CMKLR1: variants seen among roughly 807,000 people sequenced by gnomAD.
CMKLR1 encodes the protein chemerin chemokine-like receptor 1, also known as chemerin-like receptor 1.
Under a neutral mutation model 8.2 loss-of-function variants are expected in CMKLR1, and 6 were observed. That is an observed-to-expected ratio of 0.73 (90% CI 0.40 to 1.44). The LOEUF (loss-of-function observed/expected upper bound fraction) is 1.44. Ranked by LOEUF, CMKLR1 falls within the 40% of genes most tolerant of loss-of-function variation. The pLI is 0.02. For missense variants in CMKLR1, 429 were observed against 478.0 expected (o/e 0.90, Z 0.96); for synonymous variants, 178 against 181.2 (o/e 0.98, Z 0.14).
intron 2 of CMKLR1, among the ~76,000 whole-genome samples, chr12:108,314,934 G>GTTTTTTTTTT: frequency 9.1e-6 from 1 of 109,578 alleles, no homozygotes; most frequent in East Asian, 2.7e-4. Flanking sequence ...ACACAGCCTT[G>GTTTTTTTTTT]TTTTTTTTTT....
At chr12:108,295,188 G>C (rs1022836150) in intron 2 of CMKLR1, among the ~76,000 whole-genome samples, 2 of 152,230 alleles carry the variant, frequency 1.3e-5, no homozygotes, top group Admixed American at 1.3e-4. Context: ...GTATGCCAGG[G>C]ACCATGTTAA....
Position 108,303,261 on chromosome 12 carries a change from G to A in CMKLR1, c.-73-9597C>T, listed in dbSNP as rs547131976. Among the ~76,000 whole-genome samples the A allele has an allele frequency of 1.4e-4, 21 of 152,320 alleles. 1 individual carries two copies. The highest frequency in any genetic ancestry group is 4.6e-4 in the African/African-American group (19 of 41,570). ...CTCGTCGAGCCCAGCCCCTGCTGGGGGTGGGATGGTCACCAGGCAGACAGT... is the reference window on the plus strand; with the variant it reads ...CTCGTCGAGCCCAGCCCCTGCTGGGAGTGGGATGGTCACCAGGCAGACAGT... On this transcript the variant is annotated intron_variant, in intron 2 of 3. Transcript: ENST00000550402.
rs981440031 is a variant in CMKLR1 at position 108,291,832 on chromosome 12, C to T, written c.*9G>A. The stretch of plus-strand genomic sequence containing the variant: ...TGAGAGAGTCCATTGAGGGGTTCCA[C>T]AGTGAGGATCAAAGCATGCCGGTCT... On this transcript the variant is annotated 3_prime_UTR_variant, in exon 4 of 4. Transcript: ENST00000550402. 1.2e-6 allele frequency: 2 copies of T among 1,605,142 alleles called. No homozygotes were observed. Among genetic ancestry groups the T allele is most frequent in the African/African-American group, 2.7e-5 (2 of 74,782 alleles).
chr12:108,320,965 C>T (rs758554783), intron 2 of CMKLR1, among the ~76,000 whole-genome samples: 10 of 152,244 alleles, frequency 6.6e-5, no homozygotes, highest in African/African-American at 2.4e-4. Context: ...TCTTCACTAG[C>T]AGGGTCCCCC....
At chr12:108,337,978 G>A (rs966737671) in intron 1 of CMKLR1, among the ~76,000 whole-genome samples, 1 of 152,180 alleles carries the variant, frequency 6.6e-6, no homozygotes, top group African/African-American at 2.4e-5. Flanking sequence ...GGATGCAAAA[G>A]GGAAGTTGAG....
At chr12:108,330,584 C>T (rs796270593) in intron 1 of CMKLR1, among the ~76,000 whole-genome samples, 12 of 152,298 alleles carry the variant, frequency 7.9e-5, no homozygotes, top group African/African-American at 1.2e-4. Context: ...AATGCCAATT[C>T]GTGATTCTTC....
chr12:108,303,204 G>T (rs61115171), intron 2 of CMKLR1, among the ~76,000 whole-genome samples: 35,153 of 152,070 alleles, frequency 0.23, 4,418 homozygotes, highest in East Asian at 0.36. Context: ...GCCAGGAGAG[G>T]CTGTGCAAAG....
intron 2 of CMKLR1, among the ~76,000 whole-genome samples, chr12:108,303,949 C>G (rs1370704371): frequency 6.6e-6 from 1 of 152,206 alleles, no homozygotes; most frequent in Non-Finnish European, 1.5e-5. Context: ...ATGCAGCACA[C>G]CGTGGGTGAG....
chr12:108,304,030 C>T (rs1287143225), intron 2 of CMKLR1, among the ~76,000 whole-genome samples: 1 of 152,196 alleles, frequency 6.6e-6, no homozygotes, highest in African/African-American at 2.4e-5. Flanking sequence ...ACTTTACCAA[C>T]GGGGATGTCT....
At chr12:108,330,994 T>C (rs1303788504) in intron 1 of CMKLR1, among the ~76,000 whole-genome samples, 1 of 152,076 alleles carries the variant, frequency 6.6e-6, no homozygotes, top group Non-Finnish European at 1.5e-5. Flanking sequence ...ACCTCCTCTC[T>C]TACAGGGGGG....
intron 2 of CMKLR1, chr12:108,320,789 C>T (rs1891844308): frequency 6.6e-6 from 1 of 152,328 alleles, no homozygotes; most frequent in Non-Finnish European, 1.5e-5. Context: ...ATTCGTTCTA[C>T]AAGAGGAATA....
At chr12:108,315,987 T>C (rs761534447) in intron 2 of CMKLR1, among the ~76,000 whole-genome samples, 3 of 152,148 alleles carry the variant, frequency 2.0e-5, no homozygotes, top group Non-Finnish European at 2.9e-5. Flanking sequence ...GGACCAGCAC[T>C]TGGACCCTGC....
At chr12:108,309,880 T>C (rs1891504929) in intron 2 of CMKLR1, among the ~76,000 whole-genome samples, 1 of 152,256 alleles carries the variant, frequency 6.6e-6, no homozygotes, top group Non-Finnish European at 1.5e-5. Flanking sequence ...CAAGTCATTC[T>C]CATTTTCAGC....
chr12:108,336,667 T>C (rs1227409904), intron 1 of CMKLR1, among the ~76,000 whole-genome samples: 1 of 152,194 alleles, frequency 6.6e-6, no homozygotes, highest in African/African-American at 2.4e-5. Flanking sequence ...TCTGCACCCA[T>C]GTGGTGTAGC....
chr12:108,292,994 T>G (rs759151030), intron 3 of CMKLR1, 35 bp from the exon 4 acceptor site: 5 of 1,561,126 alleles, frequency 3.2e-6, no homozygotes, highest in Non-Finnish European at 4.3e-6. Context: ...AGAGGAACCC[T>G]AGAGTTGGCT....
intron 2 of CMKLR1, among the ~76,000 whole-genome samples, chr12:108,317,066 G>T (rs1037259797): frequency 6.6e-6 from 1 of 152,184 alleles, no homozygotes; most frequent in Non-Finnish European, 1.5e-5. Context: ...GCCTTCCAAA[G>T]GGCTGGGAAT....
At position 108,292,386 on chromosome 12, in the gene CMKLR1, A is replaced by C. The variant is rs199755416; in HGVS notation, c.577T>G (p.Phe193Val). The C allele has an allele frequency of 9.2e-5, 148 of 1,614,012 alleles. No homozygotes were observed. The highest frequency in any genetic ancestry group is 1.2e-4 in the Non-Finnish European group (143 of 1,180,028). ...LHGKISCFNNFSLSTPGSSSW... is the reference protein window; with the variant it reads ...LHGKISCFNNVSLSTPGSSSW... The stretch of plus-strand genomic sequence containing the variant: ...GAAGACCCAGGTGTGGACAGGCTGA[A>C]GTTGTTGAAGCAGGATATTTTCCCA... Residue 193 changes from phenylalanine (F) to valine (V), a missense_variant, in exon 4 of 4, where the codon TTC becomes GTC. Coordinates refer to ENST00000550402, the MANE Select transcript of CMKLR1 (RefSeq NM_001142343.2).
At position 108,289,082 on chromosome 12, in the gene CMKLR1, G is replaced by A. The variant is rs1478421269; in HGVS notation, c.*2759C>T. On this transcript the variant is annotated 3_prime_UTR_variant, in exon 4 of 4. Coordinates refer to ENST00000550402, the MANE Select transcript of CMKLR1 (RefSeq NM_001142343.2). ...CCTTTCCTTCATCATCATGCTCTGG[G>A]ACCTTTCTGTCCCCTCTCCTGTCCC... 2.6e-5 allele frequency: 4 copies of A among 152,120 alleles called. No homozygotes were observed. Among genetic ancestry groups the A allele is most frequent in the Non-Finnish European group, 5.9e-5 (4 of 68,110 alleles). The allele number at this position is 152,120 out of a possible 1,614,324, so 9.4% of individuals were successfully genotyped here.
In CMKLR1 at chr12:108,292,239, T is replaced by G. The variant is rs936309837; in HGVS notation, c.724A>C (p.Thr242Pro). ...PVLIITACYL[T>P]IVCKLQRNRL... is the part of the protein sequence containing the mutation. Reference sequence around the variant, plus strand: ...TTGCGCTGCAGTTTGCACACGATGGTGAGGTAGCAAGCTGTGATGATGAGG... The same window carrying G: ...TTGCGCTGCAGTTTGCACACGATGGGGAGGTAGCAAGCTGTGATGATGAGG... Residue 242 changes from threonine to proline, a missense_variant, in exon 4 of 4, where the codon ACC becomes CCC. Coordinates refer to ENST00000550402, the MANE Select transcript of CMKLR1 (RefSeq NM_001142343.2). The G allele has an allele frequency of 1.2e-6, 2 of 1,613,798 alleles. No homozygotes were observed. Among genetic ancestry groups the G allele is most frequent in the South Asian group, 2.2e-5 (2 of 91,044 alleles).
Sources: gnomAD v4.1 joint callset for allele counts (sites outside exome capture counted in the v4.1 genomes callset) on GRCh38, gnomAD v4.1.1 for gene constraint, MANE v1.5 for transcripts, NCBI Gene and HGNC (gene_info 2026-07-23, HGNC 2026-07-21) for gene names.